B3GALT1: variants seen among roughly 807,000 people sequenced by gnomAD.
B3GALT1 encodes beta-1,3-galactosyltransferase 1, also known as UDP-Gal:betaGlcNAc beta 1,3-galactosyltransferase, polypeptide 1.
A neutral mutation model predicts 23.2 loss-of-function variants in B3GALT1; 10 were observed. The observed-to-expected ratio is 0.43, with a 90% confidence interval of 0.27 to 0.73. B3GALT1 has a LOEUF of 0.73. Ranked by LOEUF, B3GALT1 falls within the 30% of genes least tolerant of loss-of-function variation. The pLI is 0.21. For missense variants in B3GALT1, 299 were observed against 405.4 expected, an observed-to-expected ratio of 0.74 and a Z score of 2.25; for synonymous variants, 156 against 141.5, an observed-to-expected ratio of 1.10 and a Z score of -0.73.
At chr2:167,311,498 C>T (rs968240564) in intron 1 of B3GALT1, among the ~76,000 whole-genome samples, 8 of 151,426 alleles carry the variant, frequency 5.3e-5, no homozygotes, top group African/African-American at 1.9e-4. Context: ...AAAATTTTTT[C>T]GAAGTGAAAA....
intron 2 of B3GALT1, among the ~76,000 whole-genome samples, chr2:167,585,340 C>T (rs1684569094): frequency 6.6e-6 from 1 of 152,138 alleles, no homozygotes; most frequent in Admixed American, 6.5e-5. Context: ...TCCCAGAAAT[C>T]TGTTAAACAA....
rs79128775 is a variant in B3GALT1 at position 167,352,126 on chromosome 2, A to ATTTT, written c.-511+58804_-511+58807dup. Among the ~76,000 whole-genome samples the ATTTT allele has an allele frequency of 8.1e-3, 1,120 of 138,234 alleles. 20 individuals carry two copies. Among genetic ancestry groups the ATTTT allele is most frequent in the African/African-American group, 0.028 (1,026 of 37,282 alleles). 90.7% of individuals were successfully genotyped at this position (138,234 alleles called of 152,430 possible). A position where few individuals can be genotyped will look rare whatever the true frequency, so the allele number is the denominator to read the frequency against. On this transcript the variant is annotated intron_variant, in intron 1 of 4. Transcript: ENST00000392690. ...AGGAGTGCACCACCATACCCGGCTA[A>ATTTT]TTTTTTTTTTTTTTTGTATTTTCGT...
At chr2:167,512,721 A>G (rs543710264) in intron 2 of B3GALT1, among the ~76,000 whole-genome samples, 21 of 146,568 alleles carry the variant, frequency 1.4e-4, no homozygotes, top group African/African-American at 4.7e-4. Flanking sequence ...ACTGCAACCT[A>G]CAGCTCATGG....
chr2:167,539,751 TA>T (rs1683504524), intron 2 of B3GALT1, among the ~76,000 whole-genome samples: 1 of 152,102 alleles, frequency 6.6e-6, no homozygotes, highest in African/African-American at 2.4e-5. Flanking sequence ...GAAGGTAATA[TA>T]AGGTGAAGAT....
At chr2:167,424,585 G>A (rs1357446099) in intron 1 of B3GALT1, among the ~76,000 whole-genome samples, 1 of 152,012 alleles carries the variant, frequency 6.6e-6, no homozygotes, top group African/African-American at 2.4e-5. Flanking sequence ...GTTTGTGTTT[G>A]TGTGTATGTG....
At chr2:167,569,487 A>T (rs1684250795) in intron 2 of B3GALT1, among the ~76,000 whole-genome samples, 1 of 151,880 alleles carries the variant, frequency 6.6e-6, no homozygotes, top group Non-Finnish European at 1.5e-5. Context: ...TTAATTCTAA[A>T]TTCCACTTGT....
intron 1 of B3GALT1, among the ~76,000 whole-genome samples, chr2:167,447,378 C>T (rs981583406): frequency 1.3e-5 from 2 of 152,210 alleles, no homozygotes; most frequent in African/African-American, 4.8e-5. Flanking sequence ...AACCACTACT[C>T]TCTTCAAAGC....
intron 3 of B3GALT1, among the ~76,000 whole-genome samples, chr2:167,708,177 C>A (rs1461453746): frequency 6.6e-6 from 1 of 152,146 alleles, no homozygotes; most frequent in Non-Finnish European, 1.5e-5. Flanking sequence ...CACAAAATAG[C>A]AAATCAAATG....
chr2:167,777,413 C>T (rs1322807492), intron 3 of B3GALT1, among the ~76,000 whole-genome samples: 1 of 152,222 alleles, frequency 6.6e-6, no homozygotes, highest in Non-Finnish European at 1.5e-5. Flanking sequence ...ATGGCACGAT[C>T]TCGGCTCACT....
At chr2:167,664,054 G>A (rs1686125773) in intron 3 of B3GALT1, among the ~76,000 whole-genome samples, 3 of 150,894 alleles carry the variant, frequency 2.0e-5, no homozygotes, top group South Asian at 2.1e-4. Context: ...TGTCCTGAAT[G>A]GTAATGCCTA....
chr2:167,864,967 TAAAA>T (rs113084400), intron 4 of B3GALT1, among the ~76,000 whole-genome samples: 1 of 146,450 alleles, frequency 6.8e-6, no homozygotes, highest in East Asian at 2.0e-4. Flanking sequence ...ATTCTTCTGT[TAAAA>T]AAAAAAAGGT....
At chr2:167,782,645 T>TA (rs1300925730) in intron 3 of B3GALT1, among the ~76,000 whole-genome samples, 1 of 152,204 alleles carries the variant, frequency 6.6e-6, no homozygotes, top group Non-Finnish European at 1.5e-5. Flanking sequence ...ATTCCATAAA[T>TA]AAAATAGGTA....
intron 1 of B3GALT1, among the ~76,000 whole-genome samples, chr2:167,476,821 T>G (rs575860344): frequency 6.6e-6 from 1 of 152,248 alleles, no homozygotes; most frequent in East Asian, 1.9e-4. Flanking sequence ...AGAAGGAAAT[T>G]AAGGGGGAGA....
intron 1 of B3GALT1, among the ~76,000 whole-genome samples, chr2:167,366,729 C>T (rs574069975): frequency 2.6e-5 from 4 of 152,268 alleles, no homozygotes; most frequent in East Asian, 1.9e-4. Flanking sequence ...TCAACTCAGC[C>T]GAGCTGGAGG....
In B3GALT1 at chr2:167,512,637, C is replaced by CAT. The variant is rs748345888; in HGVS notation, c.-410+22373_-410+22374dup. On this transcript the variant is annotated intron_variant, in intron 2 of 4. Transcript: ENST00000392690. Reference sequence around the variant, plus strand: ...ATATATATACGTGTATATATATATACATATATATATATATTTTGAGATAGG... The same window carrying CAT: ...ATATATATACGTGTATATATATATACATATATATATATATATTTTGAGATAGG... 7.4e-3 allele frequency among the ~76,000 whole-genome samples: 480 copies of CAT among 64,938 alleles called. 22 individuals carry two copies. The highest frequency in any genetic ancestry group is 0.011 in the Non-Finnish European group (390 of 36,794). 42.6% of individuals were successfully genotyped at this position (64,938 alleles called of 152,430 possible).
chr2:167,358,348 T>A (rs1349278815), intron 1 of B3GALT1, among the ~76,000 whole-genome samples: 1 of 152,182 alleles, frequency 6.6e-6, no homozygotes, highest in African/African-American at 2.4e-5. Context: ...AGGATTTACT[T>A]TTATGGGCTA....
At chr2:167,743,938 T>C (rs1244245472) in intron 3 of B3GALT1, among the ~76,000 whole-genome samples, 3 of 152,174 alleles carry the variant, frequency 2.0e-5, no homozygotes, top group Non-Finnish European at 2.9e-5. Context: ...TGCAAAATTT[T>C]ATTGAGTATT....
chr2:167,409,759 A>G (rs901202607), intron 1 of B3GALT1, among the ~76,000 whole-genome samples: 10 of 151,904 alleles, frequency 6.6e-5, no homozygotes, highest in African/African-American at 1.7e-4. Flanking sequence ...AATGGCGATC[A>G]TTAAAAGTCA....
At chr2:167,468,308 TA>T (rs1194531074) in intron 1 of B3GALT1, among the ~76,000 whole-genome samples, 1 of 152,084 alleles carries the variant, frequency 6.6e-6, no homozygotes, top group African/African-American at 2.4e-5. Context: ...TAAGAAAAGA[TA>T]AATACATAAT....
Sources: allele counts gnomAD v4.1 joint callset (sites outside exome capture counted in the v4.1 genomes callset), GRCh38; gene constraint gnomAD v4.1.1; transcripts MANE v1.5; gene names NCBI Gene and HGNC (gene_info 2026-07-23, HGNC 2026-07-21).